The following ARHGEF10 variants were observed in gnomAD, a reference collection of about 807,000 sequenced individuals.
The protein encoded by ARHGEF10 is Rho guanine nucleotide exchange factor 10.
In ARHGEF10, 140 loss-of-function variants were observed where a neutral mutation model predicts 147.4. That is an observed-to-expected ratio of 0.95 (90% CI 0.83 to 1.09). The LOEUF is 1.09. ARHGEF10 is among the 50% of genes least tolerant of loss of function. The probability of loss-of-function intolerance (pLI) is 0.00; values close to 1 mark genes in which losing one functional copy is unlikely to be tolerated. For missense variants in ARHGEF10, 2,222 were observed against 1,752.7 expected, an observed-to-expected ratio of 1.27 and a Z score of -4.78; for synonymous variants, 902 against 695.8, an observed-to-expected ratio of 1.30 and a Z score of -4.67.
intron 2 of ARHGEF10, among the ~76,000 whole-genome samples, chr8:1,843,933 T>C (rs570841025): frequency 6.6e-6 from 1 of 152,336 alleles, no homozygotes; most frequent in African/African-American, 2.4e-5. Flanking sequence ...AAGATTTATC[T>C]TCATTGTCAC....
intron 2 of ARHGEF10, among the ~76,000 whole-genome samples, chr8:1,852,247 G>A (rs546919409): frequency 1.2e-4 from 17 of 140,532 alleles, no homozygotes; most frequent in African/African-American, 4.0e-4. Context: ...GAGCAGCACC[G>A]TTTCTGTCCT....
rs114929989 is a variant in ARHGEF10, at chr8:1,949,193, C to T, written c.3398-3512C>T. On this transcript the variant is annotated intron_variant, in intron 27 of 28. Transcript: ENST00000349830. The stretch of plus-strand genomic sequence containing the variant: ...ATGCCTTTTGTGTAAGTTCACACAA[C>T]GTGATGAAACCTCCTTCCTTCCTCA... 3.2e-3 allele frequency among the ~76,000 whole-genome samples: 482 copies of T among 152,286 alleles called. 3 individuals carry two copies. The highest frequency in any genetic ancestry group is 0.011 in the African/African-American group (451 of 41,562).
chr8:1,957,420 C>T lies in ARHGEF10; in HGVS notation c.*157C>T, dbSNP rs1448105118. The T allele has an allele frequency of 2.9e-6, 3 of 1,026,770 alleles. No homozygotes were observed. The African/African-American group carries it at 4.8e-5, about 16-fold the overall frequency. The allele number at this position is 1,026,770 out of a possible 1,614,324, so 63.6% of individuals were successfully genotyped here. A position where few individuals can be genotyped will look rare whatever the true frequency, so the allele number is the denominator to read the frequency against. On this transcript the variant is annotated 3_prime_UTR_variant, in exon 29 of 29. Transcript: ENST00000349830. ...GTGCAATAGCGTAATGGTGGTGTCC[C>T]TGCCAATTCCTTCCTTCTCTTCTGT... is the stretch of plus-strand genomic sequence containing the variant.
intron 18 of ARHGEF10, among the ~76,000 whole-genome samples, chr8:1,917,992 T>A (rs971071202): frequency 6.6e-6 from 1 of 151,976 alleles, no homozygotes; most frequent in African/African-American, 2.4e-5. Context: ...TTCACCATGT[T>A]GGCCAGGCTG....
intron 26 of ARHGEF10, among the ~76,000 whole-genome samples, chr8:1,936,673 C>T (rs80218807): frequency 0.081 from 12,385 of 152,284 alleles, 590 homozygotes; most frequent in South Asian, 0.11. Flanking sequence ...TCTAAAAATA[C>T]TTCTCTAGAC....
At chr8:1,900,017 AC>A (rs1428057146) in intron 15 of ARHGEF10, among the ~76,000 whole-genome samples, 1 of 152,234 alleles carries the variant, frequency 6.6e-6, no homozygotes, top group African/African-American at 2.4e-5. Flanking sequence ...GCCAGGGACG[AC>A]AGCAAGTGCT....
At chr8:1,897,249 A>G (rs1810051702) in intron 14 of ARHGEF10, among the ~76,000 whole-genome samples, 1 of 151,988 alleles carries the variant, frequency 6.6e-6, no homozygotes, top group Non-Finnish European at 1.5e-5. Flanking sequence ...TGAAGCTGGA[A>G]TTTTTTCCCT....
intron 5 of ARHGEF10, among the ~76,000 whole-genome samples, chr8:1,865,972 C>T (rs184405374): frequency 1.2e-3 from 181 of 152,298 alleles, no homozygotes; most frequent in Non-Finnish European, 1.9e-3. Flanking sequence ...ATCATCCTTC[C>T]GAGTGGAGCA....
intron 26 of ARHGEF10, among the ~76,000 whole-genome samples, chr8:1,936,393 T>C (rs1159606061): frequency 6.6e-6 from 1 of 152,084 alleles, no homozygotes; most frequent in Non-Finnish European, 1.5e-5. Context: ...TGCATGCCTG[T>C]AGGATATTCG....
chr8:1,888,781 TGGGGTGAG>T (rs1249442962), intron 11 of ARHGEF10, among the ~76,000 whole-genome samples: 34 of 89,306 alleles, frequency 3.8e-4, no homozygotes, highest in South Asian at 8.0e-4. Context: ...AGACACTGAG[TGGGGTGAG>T]TATTGTGAGG....
At chr8:1,840,338 T>C (rs570127913) in intron 1 of ARHGEF10, among the ~76,000 whole-genome samples, 3 of 139,192 alleles carry the variant, frequency 2.2e-5, no homozygotes, top group East Asian at 4.5e-4. Context: ...AGCTGTCCGA[T>C]ATGGGGACTG....
At chr8:1,931,948 C>T (rs759429911) in intron 25 of ARHGEF10, among the ~76,000 whole-genome samples, 1 of 152,166 alleles carries the variant, frequency 6.6e-6, no homozygotes, top group Non-Finnish European at 1.5e-5. Context: ...CCGAGGGAAA[C>T]GTCTGAAGTA....
chr8:1,873,885 GTA>G (rs1021733221), intron 7 of ARHGEF10, among the ~76,000 whole-genome samples: 93 of 152,150 alleles, frequency 6.1e-4, no homozygotes, highest in African/African-American at 2.2e-3. Flanking sequence ...ATTGTGTCAG[GTA>G]TACGTAAATA....
At chr8:1,894,929 C>T (rs938855266) in intron 13 of ARHGEF10, among the ~76,000 whole-genome samples, 6 of 152,148 alleles carry the variant, frequency 3.9e-5, no homozygotes, top group South Asian at 2.1e-4. Context: ...GTAAAATTGC[C>T]GTTTTTAAGC....
At chr8:1,837,670 G>A (rs1803667681) in intron 1 of ARHGEF10, among the ~76,000 whole-genome samples, 1 of 152,186 alleles carries the variant, frequency 6.6e-6, no homozygotes, top group South Asian at 2.1e-4. Context: ...TCTAGGGCGG[G>A]AAGGGGGAAG....
chr8:1,915,302 G>A (rs1355515815), intron 18 of ARHGEF10, among the ~76,000 whole-genome samples: 1 of 152,220 alleles, frequency 6.6e-6, no homozygotes, highest in African/African-American at 2.4e-5. Flanking sequence ...AGTGAATGGA[G>A]CAAAACAGTC....
chr8:1,856,965 C>G (rs562536870), intron 2 of ARHGEF10, among the ~76,000 whole-genome samples: 2 of 152,280 alleles, frequency 1.3e-5, no homozygotes, highest in Admixed American at 6.5e-5. Context: ...CCTGTCTGCT[C>G]TGATGGTGGC....
chr8:1,934,035 G>C (rs1813367524), intron 26 of ARHGEF10, 93 bp downstream of exon 26: 1 of 1,564,600 alleles, frequency 6.4e-7, no homozygotes, highest in Admixed American at 1.7e-5. Context: ...CTTCTTGCCT[G>C]TGGCTAAATT....
intron 1 of ARHGEF10, among the ~76,000 whole-genome samples, chr8:1,836,201 A>G (rs1225568881): frequency 6.6e-6 from 1 of 152,100 alleles, no homozygotes; most frequent in African/African-American, 2.4e-5. Context: ...AAAAGAAAAA[A>G]AAAAACACAA....
Sources: allele counts gnomAD v4.1 joint callset (sites outside exome capture counted in the v4.1 genomes callset), GRCh38; gene constraint gnomAD v4.1.1; transcripts MANE v1.5; gene names NCBI Gene and HGNC (gene_info 2026-07-23, HGNC 2026-07-21).